XXYLT1: variants seen among roughly 807,000 people sequenced by gnomAD.
XXYLT1 encodes the protein xyloside xylosyltransferase 1.
A neutral mutation model predicts 28.9 loss-of-function variants in XXYLT1; 20 were observed. The observed-to-expected ratio is 0.69, with a 90% CI of 0.49 to 1.00. The LOEUF is 1.00. Among genes scored for constraint, XXYLT1 ranks in the 50% least tolerant of loss-of-function variants. The pLI, the probability that XXYLT1 is intolerant of heterozygous loss-of-function variation, is 0.00. For synonymous variants in XXYLT1, 257 were observed against 253.8 expected (o/e 1.01, Z -0.12); for missense variants, 542 against 560.1 (o/e 0.97, Z 0.33).
chr3:195,093,689 A>AT (rs1716245378), intron 3 of XXYLT1: 3 of 148,508 alleles, frequency 2.0e-5, no homozygotes, highest in African/African-American at 7.5e-5. Context: ...ATAAAAAAAT[A>AT]AAAATAAATA....
In XXYLT1 at chr3:195,176,960, G is replaced by A. The variant is rs1274482306; in HGVS notation, c.653-20379C>T. Reference sequence around the variant, plus strand: ...TCCCCGGCCTGCTGCCGCTGCTGACGTCCCCCCGCCACAGCAGGTCGGGGA... The same window carrying A: ...TCCCCGGCCTGCTGCCGCTGCTGACATCCCCCCGCCACAGCAGGTCGGGGA... On this transcript the variant is annotated intron_variant, in intron 2 of 3. Transcript: ENST00000310380. The surrounding 1 kb of genome is among the most constrained non-coding windows in gnomAD (Gnocchi z 4.9). Among the ~76,000 whole-genome samples, 6 of 149,286 alleles carry A rather than the reference G, an allele frequency of 4.0e-5. No homozygotes were observed. The highest frequency in any genetic ancestry group is 7.8e-5 in the African/African-American group (3 of 38,678).
At chr3:195,237,122 C>T (rs1301526580) in intron 1 of XXYLT1, among the ~76,000 whole-genome samples, 1 of 152,180 alleles carries the variant, frequency 6.6e-6, no homozygotes, top group East Asian at 1.9e-4. Flanking sequence ...ATGTAACCCC[C>T]AAGTCCACTG....
intron 2 of XXYLT1, among the ~76,000 whole-genome samples, chr3:195,223,927 C>T (rs990867140): frequency 5.9e-5 from 9 of 152,120 alleles, no homozygotes; most frequent in Admixed American, 3.9e-4. Context: ...GAGGCCGAGG[C>T]GGGCGGATCA....
chr3:195,262,003 C>T (rs901241444), intron 1 of XXYLT1, among the ~76,000 whole-genome samples: 21 of 152,152 alleles, frequency 1.4e-4, no homozygotes, highest in African/African-American at 5.1e-4. Context: ...GGTTATACCC[C>T]AGTGATGTGA....
intron 3 of XXYLT1, among the ~76,000 whole-genome samples, chr3:195,099,277 C>T (rs188669808): frequency 1.7e-3 from 263 of 152,264 alleles, no homozygotes; most frequent in Admixed American, 4.6e-3. Flanking sequence ...GGCGCAGGTG[C>T]GTGGACTCAC....
At chr3:195,108,171 G>A (rs1173651381) in intron 3 of XXYLT1, among the ~76,000 whole-genome samples, 2 of 152,204 alleles carry the variant, frequency 1.3e-5, no homozygotes, top group Non-Finnish European at 2.9e-5. Context: ...TTCTGGGCCT[G>A]GCCTGCAATG....
intron 1 of XXYLT1, among the ~76,000 whole-genome samples, chr3:195,235,202 C>A (rs1030784157): frequency 6.6e-6 from 1 of 152,074 alleles, no homozygotes; most frequent in Non-Finnish European, 1.5e-5. Context: ...GCCTCCCAGG[C>A]TCAAGCCATC....
At chr3:195,238,065 C>T (rs75565293) in intron 1 of XXYLT1, among the ~76,000 whole-genome samples, 2 of 152,218 alleles carry the variant, frequency 1.3e-5, no homozygotes, top group East Asian at 1.9e-4. Context: ...AGACCTCCGA[C>T]GACTCGTCGC....
At position 195,129,816 on chromosome 3, in the gene XXYLT1, C is replaced by A. The variant is rs997496458; in HGVS notation, c.785+26633G>T. ...AGTGTGTGGGCGCATGTTTTCAGTT[C>A]TCTCGGGTCTCTGTACACCTATCTA... On this transcript the variant is annotated intron_variant, in intron 3 of 3. Coordinates refer to ENST00000310380, the MANE Select transcript of XXYLT1 (RefSeq NM_152531.5). This position sits in a 1 kb window ranked among gnomAD's most constrained non-coding sequence, Gnocchi z 4.4. 3.3e-5 allele frequency among the ~76,000 whole-genome samples: 5 copies of A among 152,174 alleles called. No individual in the cohort carries two copies. Among genetic ancestry groups the A allele is most frequent in the African/African-American group, 1.2e-4 (5 of 41,522 alleles).
intron 2 of XXYLT1, among the ~76,000 whole-genome samples, chr3:195,157,119 T>C (rs2088041): frequency 0.14 from 20,581 of 151,824 alleles, 1,694 homozygotes; most frequent in East Asian, 0.27. Flanking sequence ...GGCAGGTGCC[T>C]GTAATTCCAG....
At chr3:195,247,813 C>T (rs775025585) in intron 1 of XXYLT1, 24 of 702,742 alleles carry the variant, frequency 3.4e-5, no homozygotes, top group South Asian at 8.9e-5. Flanking sequence ...CACACAATCA[C>T]GGCGGAAGGG....
chr3:195,131,106 G>C (rs1424107236), intron 3 of XXYLT1, among the ~76,000 whole-genome samples: 1 of 152,168 alleles, frequency 6.6e-6, no homozygotes, highest in East Asian at 1.9e-4. Context: ...GTTCTCCCTT[G>C]TGCCGGCCTG....
intron 3 of XXYLT1, among the ~76,000 whole-genome samples, chr3:195,116,062 G>A (rs1401198370): frequency 6.6e-6 from 1 of 152,150 alleles, no homozygotes; most frequent in Non-Finnish European, 1.5e-5. Flanking sequence ...TCAGCGACAG[G>A]GAGAAGCAGC....
At chr3:195,186,112 T>C (rs565542787) in intron 2 of XXYLT1, among the ~76,000 whole-genome samples, 5 of 152,268 alleles carry the variant, frequency 3.3e-5, no homozygotes, top group African/African-American at 9.6e-5. Flanking sequence ...CCCAGAACTT[T>C]TGAAAGCCAC....
intron 3 of XXYLT1, chr3:195,134,581 T>C (rs966629733): frequency 6.4e-6 from 1 of 155,890 alleles, no homozygotes; most frequent in African/African-American, 2.4e-5. Context: ...CAGACCTGTA[T>C]ACCATGCTAC....
intron 2 of XXYLT1, among the ~76,000 whole-genome samples, chr3:195,158,980 C>T (rs1720739413): frequency 6.6e-6 from 1 of 152,058 alleles, no homozygotes; most frequent in Non-Finnish European, 1.5e-5. Context: ...TTTGTGAGGA[C>T]AAAATGAGAC....
intron 1 of XXYLT1, among the ~76,000 whole-genome samples, chr3:195,248,458 T>C (rs948666142): frequency 7.2e-5 from 11 of 152,190 alleles, no homozygotes; most frequent in Non-Finnish European, 1.2e-4. Context: ...GGAGTTTCCC[T>C]GCACAGCTCC....
At chr3:195,248,845 G>A (rs765589556) in intron 1 of XXYLT1, among the ~76,000 whole-genome samples, 7 of 152,160 alleles carry the variant, frequency 4.6e-5, no homozygotes, top group Non-Finnish European at 8.8e-5. Context: ...GCTTGAACTC[G>A]GAGGGAGGAG....
intron 3 of XXYLT1, among the ~76,000 whole-genome samples, chr3:195,127,138 T>C (rs1718679067): frequency 6.6e-6 from 1 of 152,092 alleles, no homozygotes; most frequent in East Asian, 1.9e-4. Flanking sequence ...GTCTTCGCTT[T>C]GGGAAAAGCC....
Sources: gnomAD v4.1 joint callset for allele counts (sites outside exome capture counted in the v4.1 genomes callset) on GRCh38, gnomAD v4.1.1 for gene constraint, Gnocchi (gnomAD v3.1) non-coding constraint, MANE v1.5 for transcripts, NCBI Gene and HGNC (gene_info 2026-07-23, HGNC 2026-07-21) for gene names.